The following CYTIP variants were observed in gnomAD, a reference collection of about 807,000 sequenced individuals.
The protein encoded by CYTIP is cytohesin-interacting protein.
In CYTIP, 26 loss-of-function variants were observed where a neutral mutation model predicts 43.8. The ratio of observed to expected loss-of-function variants is 0.59; its 90% confidence interval spans 0.44 to 0.82. CYTIP has a LOEUF of 0.82. Among genes scored for constraint, CYTIP ranks in the 40% least tolerant of loss-of-function variants. The pLI, the probability that CYTIP is intolerant of heterozygous loss-of-function variation, is 0.00. For missense variants in CYTIP, 426 were observed against 443.1 expected (o/e 0.96, Z 0.35); for synonymous variants, 162 against 162.9 (o/e 0.99, Z 0.04).
At chr2:157,426,219 A>C (rs903722029) in intron 6 of CYTIP, among the ~76,000 whole-genome samples, 1 of 152,176 alleles carries the variant, frequency 6.6e-6, no homozygotes, top group Non-Finnish European at 1.5e-5. Context: ...AATATTTTTT[A>C]AGTCCATAAA....
intron 1 of CYTIP, among the ~76,000 whole-genome samples, chr2:157,437,470 G>A (rs1017220640): frequency 1.3e-5 from 2 of 152,112 alleles, no homozygotes; most frequent in Middle Eastern, 3.2e-3. Flanking sequence ...GGAGGCCAAG[G>A]AGGGTGGATC....
chr2:157,436,337 C>T (rs1312960230), intron 1 of CYTIP, among the ~76,000 whole-genome samples: 1 of 152,146 alleles, frequency 6.6e-6, no homozygotes, highest in Non-Finnish European at 1.5e-5. Flanking sequence ...AAGAGAGCCA[C>T]AAACTTGATA....
At chr2:157,425,759 A>G (rs1468433919) in intron 6 of CYTIP, among the ~76,000 whole-genome samples, 1 of 152,150 alleles carries the variant, frequency 6.6e-6, no homozygotes, top group East Asian at 1.9e-4. Context: ...GATGTTCACT[A>G]AGATTATCTT....
rs1272830369 is a variant in CYTIP at position 157,438,005 on chromosome 2, C to T, written c.175-3258G>A. On this transcript the variant is annotated intron_variant, in intron 1 of 7. Transcript: ENST00000264192. ...CTACAAATAGAACTACCATATGATCCCGCAATCCCACTACTGGGAATTCAT... is the reference window on the plus strand; with the variant it reads ...CTACAAATAGAACTACCATATGATCTCGCAATCCCACTACTGGGAATTCAT... Among the ~76,000 whole-genome samples the T allele has an allele frequency of 2.6e-5, 4 of 152,246 alleles. No individual in the cohort carries two copies. In the East Asian group the frequency reaches 7.7e-4, roughly 29 times the overall value.
rs1378227476 is a variant in CYTIP, at chr2:157,414,693, C to T, written c.*984G>A. 1 of 151,694 alleles carries T rather than the reference C, an allele frequency of 6.6e-6. No homozygotes were observed. Among genetic ancestry groups the T allele is most frequent in the Non-Finnish European group, 1.5e-5 (1 of 67,960 alleles). 9.4% of individuals were successfully genotyped at this position (151,694 alleles called of 1,614,324 possible). Reference sequence around the variant, plus strand: ...ATATAGGTTATGAATAGCTGTGCCACCAGAACAGAGAATTCATAGACTTCA... The same window carrying T: ...ATATAGGTTATGAATAGCTGTGCCATCAGAACAGAGAATTCATAGACTTCA... On this transcript the variant is annotated 3_prime_UTR_variant, in exon 8 of 8. Coordinates refer to ENST00000264192, the MANE Select transcript of CYTIP (RefSeq NM_004288.5).
intron 7 of CYTIP, among the ~76,000 whole-genome samples, chr2:157,417,817 G>A (rs1672597793): frequency 6.6e-6 from 1 of 152,010 alleles, no homozygotes; most frequent in Admixed American, 6.6e-5. Flanking sequence ...AGATATTCTA[G>A]GTTACAGACT....
chr2:157,420,788 T>C (rs998620569), intron 6 of CYTIP, among the ~76,000 whole-genome samples: 11 of 151,308 alleles, frequency 7.3e-5, no homozygotes, highest in African/African-American at 2.7e-4. Context: ...CTGGCATACA[T>C]ACCAACCTCT....
At chr2:157,432,612 A>T (rs1329904483) in intron 3 of CYTIP, among the ~76,000 whole-genome samples, 2 of 152,160 alleles carry the variant, frequency 1.3e-5, no homozygotes, top group Non-Finnish European at 2.9e-5. Flanking sequence ...CAAAGTCTGC[A>T]TTCCTATTGG....
At chr2:157,418,454 C>A (rs1352433770) in intron 7 of CYTIP, 69 bp downstream of exon 7, 3 of 1,493,268 alleles carry the variant, frequency 2.0e-6, no homozygotes, top group East Asian at 4.7e-5. Context: ...TAATCTTAAA[C>A]CAACTTTGAG....
intron 6 of CYTIP, among the ~76,000 whole-genome samples, chr2:157,421,522 A>C (rs2105133943): frequency 6.6e-6 from 1 of 152,358 alleles, no homozygotes; most frequent in South Asian, 2.1e-4. Context: ...ATGTAACAAA[A>C]TATTTCCCAA....
At chr2:157,416,780 A>C (rs1380069900) in intron 7 of CYTIP, among the ~76,000 whole-genome samples, 2 of 152,234 alleles carry the variant, frequency 1.3e-5, no homozygotes, top group Non-Finnish European at 2.9e-5. Flanking sequence ...ATGATACTGT[A>C]CCCAGAAATC....
intron 1 of CYTIP, among the ~76,000 whole-genome samples, chr2:157,437,628 C>T (rs1055275877): frequency 2.1e-5 from 3 of 142,692 alleles, no homozygotes; most frequent in East Asian, 2.1e-4. Context: ...TCAACCCGGG[C>T]GGCGGAGGTT....
intron 3 of CYTIP, among the ~76,000 whole-genome samples, chr2:157,431,787 C>A (rs1685717541): frequency 6.6e-6 from 1 of 152,054 alleles, no homozygotes; most frequent in Admixed American, 6.5e-5. Flanking sequence ...CATCTGATTC[C>A]TAAAATTAAG....
chr2:157,434,470 A>G, intron 2 of CYTIP, 46 bp from the exon 3 acceptor site: 5 of 1,420,116 alleles, frequency 3.5e-6, no homozygotes, highest in Non-Finnish European at 5.0e-6. Context: ...AAATTAAAGT[A>G]TCACATTTGG....
Position 157,433,269 on chromosome 2 carries a change from A to C in CYTIP, c.279+1101T>G, listed in dbSNP as rs967550449. ...AGCACTATGCTTCTAAAACCTATAG[A>C]TTTCACCAGTTACTGTGGTGAATTA... On this transcript the variant is annotated intron_variant, in intron 3 of 7. Transcript: ENST00000264192. Among the ~76,000 whole-genome samples, 3 of 152,166 alleles carry C rather than the reference A, an allele frequency of 2.0e-5. No homozygotes were observed. In the East Asian group the frequency reaches 5.8e-4, roughly 29 times the overall value.
At chr2:157,441,107 C>T (rs1254328477) in intron 1 of CYTIP, among the ~76,000 whole-genome samples, 3 of 152,106 alleles carry the variant, frequency 2.0e-5, no homozygotes, top group African/African-American at 7.2e-5. Context: ...TTTGAAACTA[C>T]AAGCTAACCA....
chr2:157,427,785 T>C (rs1685635687), intron 5 of CYTIP, among the ~76,000 whole-genome samples: 1 of 152,204 alleles, frequency 6.6e-6, no homozygotes, highest in Admixed American at 6.5e-5. Context: ...TAAATATTTA[T>C]TGGGCATCTA....
chr2:157,424,307 C>T (rs1033921830), intron 6 of CYTIP, among the ~76,000 whole-genome samples: 8 of 151,864 alleles, frequency 5.3e-5, no homozygotes, highest in Non-Finnish European at 8.8e-5. Context: ...TGTCTATTAA[C>T]GTCAATCAAA....
At position 157,416,087 on chromosome 2, in the gene CYTIP, A is replaced by G. The variant is rs1685436363; in HGVS notation, c.670T>C (p.Phe224Leu). ...ENMDLDELSL[F>L]GPLPGPGPAL... ...GGGCCTGGCCCAGGCAGGGGTCCAA[A>G]CAAAGACAATTCATCCAAGTCCATG... Residue 224 changes from phenylalanine (F) to leucine (L), a missense_variant, in exon 8 of 8, where the codon TTT becomes CTT. Phe to Leu is a conservative substitution (Grantham distance 22). Coordinates refer to ENST00000264192, the MANE Select transcript of CYTIP (RefSeq NM_004288.5). 2 of 1,613,898 alleles carry G rather than the reference A, an allele frequency of 1.2e-6. No homozygotes were observed. The highest frequency in any genetic ancestry group is 1.1e-5 in the South Asian group (1 of 91,068).
Sources: gnomAD v4.1 joint callset for allele counts (sites outside exome capture counted in the v4.1 genomes callset) on GRCh38, gnomAD v4.1.1 for gene constraint, MANE v1.5 for transcripts, NCBI Gene and HGNC (gene_info 2026-07-23, HGNC 2026-07-21) for gene names.